The following RRAS2 variants were observed in gnomAD, a reference collection of about 807,000 sequenced individuals.
RRAS2 encodes the protein ras-related protein R-Ras2.
A neutral mutation model predicts 27.6 loss-of-function variants in RRAS2; 7 were observed. That is an observed-to-expected ratio of 0.25 (90% CI 0.14 to 0.48). The LOEUF (loss-of-function observed/expected upper bound fraction) is 0.48, where lower values mean the gene tolerates loss of function less well. Ranked by LOEUF, RRAS2 falls within the 20% of genes least tolerant of loss-of-function variation. The probability of loss-of-function intolerance (pLI) is 0.99; values close to 1 mark genes in which losing one functional copy is unlikely to be tolerated. For synonymous variants in RRAS2, 86 were observed against 90.9 expected (o/e 0.95, Z 0.31); for missense variants, 178 against 256.2 (o/e 0.69, Z 2.08).
chr11:14,333,090 A>AT (rs1189101651), intron 1 of RRAS2, among the ~76,000 whole-genome samples: 99 of 152,232 alleles, frequency 6.5e-4, no homozygotes, highest in African/African-American at 2.3e-3. Flanking sequence ...CACAAAAAGT[A>AT]TTTTTTCTTC....
Position 14,358,920 on chromosome 11 carries a change from C to A in RRAS2, c.-50G>T. On this transcript the variant is annotated 5_prime_UTR_variant, in exon 1 of 6. Transcript: ENST00000256196. This position sits in a 1 kb window ranked among gnomAD's most constrained non-coding sequence, Gnocchi z 5.1. ...ACTGCGCCGAGCCGCCGCTGCCGCCCGCCCTAGGCCCGGCTCCGGGGACGT... is the reference window on the plus strand; with the variant it reads ...ACTGCGCCGAGCCGCCGCTGCCGCCAGCCCTAGGCCCGGCTCCGGGGACGT... 1.6e-6 allele frequency: 2 copies of A among 1,254,848 alleles called. No homozygotes were observed. The highest frequency in any genetic ancestry group is 4.7e-5 in the South Asian group (2 of 42,466). The allele number at this position is 1,254,848 out of a possible 1,614,324, so 77.7% of individuals were successfully genotyped here. A position where few individuals can be genotyped will look rare whatever the true frequency, so the allele number is the denominator to read the frequency against.
intron 5 of RRAS2, among the ~76,000 whole-genome samples, chr11:14,280,598 C>T (rs1016040395): frequency 3.3e-5 from 5 of 151,384 alleles, no homozygotes; most frequent in African/African-American, 9.7e-5. Context: ...TGGTGGCAGG[C>T]GCCTGTAAAT....
intron 1 of RRAS2, among the ~76,000 whole-genome samples, chr11:14,336,626 G>A (rs1358636983): frequency 1.3e-5 from 2 of 152,162 alleles, no homozygotes; most frequent in Admixed American, 1.3e-4. Context: ...ACAGTAAAAT[G>A]GAAGGGACAG....
At chr11:14,281,070 C>T (rs1849521007) in intron 5 of RRAS2, among the ~76,000 whole-genome samples, 1 of 152,146 alleles carries the variant, frequency 6.6e-6, no homozygotes, top group Non-Finnish European at 1.5e-5. Context: ...ATCTCTACTA[C>T]CTGGTTTACT....
Position 14,284,415 on chromosome 11 carries a change from T to C in RRAS2, c.409-2695A>G, listed in dbSNP as rs138335702. ...ACTATCTGACTAAAATCCTTTTAAA[T>C]TTATTGAGGCTTACTTTATGATCCA... On this transcript the variant is annotated intron_variant, in intron 4 of 5. Transcript: ENST00000256196. 5.4e-4 allele frequency among the ~76,000 whole-genome samples: 82 copies of C among 152,338 alleles called. 2 individuals are homozygous for C. The East Asian group carries it at 9.2e-3, about 17-fold the overall frequency.
intron 4 of RRAS2, among the ~76,000 whole-genome samples, chr11:14,285,760 T>C (rs1849644610): frequency 6.6e-6 from 1 of 152,226 alleles, no homozygotes; most frequent in South Asian, 2.1e-4. Flanking sequence ...TGCACCACTA[T>C]CTTCTGGCTT....
intron 1 of RRAS2, among the ~76,000 whole-genome samples, chr11:14,349,550 TCACCTTTGTAA>T (rs1554954511): frequency 6.6e-6 from 1 of 152,200 alleles, no homozygotes; most frequent in African/African-American, 2.4e-5. Context: ...TTCACATTTT[TCACCTTTGTAA>T]CTCCCTTCTC....
At chr11:14,329,451 AAAATGAATC>A (rs1258237222) in intron 1 of RRAS2, among the ~76,000 whole-genome samples, 1 of 152,176 alleles carries the variant, frequency 6.6e-6, no homozygotes, top group Non-Finnish European at 1.5e-5. Context: ...GATCAAACAC[AAAATGAATC>A]AAGTTAGGCT....
intron 1 of RRAS2, among the ~76,000 whole-genome samples, chr11:14,308,742 A>T (rs1215544728): frequency 2.6e-5 from 4 of 152,208 alleles, no homozygotes; most frequent in African/African-American, 9.7e-5. Context: ...ACAAGGAGTA[A>T]AACGTGAACA....
chr11:14,349,581 G>GA (rs1470902802), intron 1 of RRAS2, among the ~76,000 whole-genome samples: 2 of 152,100 alleles, frequency 1.3e-5, no homozygotes, highest in African/African-American at 4.8e-5. Flanking sequence ...CCAACAGTGA[G>GA]AAACTGGCTC....
chr11:14,298,053 C>G (rs999021574), intron 1 of RRAS2, among the ~76,000 whole-genome samples: 19 of 151,348 alleles, frequency 1.3e-4, no homozygotes, highest in Non-Finnish European at 2.8e-4. Flanking sequence ...ACCCATGCCA[C>G]TTCAAAAAGT....
At chr11:14,363,007 T>C (rs116910066), upstream of RRAS2, among the ~76,000 whole-genome samples, 1,153 of 152,332 alleles carry the variant, frequency 7.6e-3, 11 homozygotes, top group Middle Eastern at 0.024. Context: ...ATTCAAATTT[T>C]TTGTGTAAAT....
chr11:14,338,597 C>T (rs1848635219), intron 1 of RRAS2, among the ~76,000 whole-genome samples: 2 of 152,144 alleles, frequency 1.3e-5, no homozygotes, highest in Admixed American at 1.3e-4. Context: ...GGCATCATAT[C>T]ATGACTCAAA....
chr11:14,349,214 G>A (rs947270163), intron 1 of RRAS2, among the ~76,000 whole-genome samples: 4 of 148,510 alleles, frequency 2.7e-5, no homozygotes, highest in African/African-American at 1.0e-4. Flanking sequence ...CTGCAGTGGC[G>A]CGACTTGGCT....
At chr11:14,294,637 C>T in intron 3 of RRAS2, 58 bp from the exon 4 acceptor site, 1 of 1,473,038 alleles carries the variant, frequency 6.8e-7, no homozygotes, top group Non-Finnish European at 9.3e-7. Context: ...CAGAATTCAG[C>T]AAGTCTCATG....
chr11:14,295,368 A>G (rs1847516851), intron 2 of RRAS2, among the ~76,000 whole-genome samples: 1 of 152,222 alleles, frequency 6.6e-6, no homozygotes, highest in South Asian at 2.1e-4. Context: ...TTTAGACACA[A>G]AACAGTACTT....
At chr11:14,310,946 C>T (rs1554948791) in intron 1 of RRAS2, among the ~76,000 whole-genome samples, 1 of 152,196 alleles carries the variant, frequency 6.6e-6, no homozygotes, top group African/African-American at 2.4e-5. Context: ...AGCCAAGAAC[C>T]ATCCCACAGA....
chr11:14,338,013 T>C (rs1024553379), intron 1 of RRAS2, among the ~76,000 whole-genome samples: 1 of 152,174 alleles, frequency 6.6e-6, no homozygotes, highest in Admixed American at 6.5e-5. Flanking sequence ...GAGTTTTCTA[T>C]AGTATGCTTG....
intron 1 of RRAS2, among the ~76,000 whole-genome samples, chr11:14,314,184 C>T (rs1440827066): frequency 2.0e-5 from 3 of 152,118 alleles, no homozygotes; most frequent in African/African-American, 7.2e-5. Context: ...TCATTAAATG[C>T]CTTTGTTTAC....
Sources: gnomAD v4.1 joint callset for allele counts (sites outside exome capture counted in the v4.1 genomes callset) on GRCh38, gnomAD v4.1.1 for gene constraint, Gnocchi (gnomAD v3.1) non-coding constraint, MANE v1.5 for transcripts, NCBI Gene and HGNC (gene_info 2026-07-23, HGNC 2026-07-21) for gene names.